Variants in JAM2 observed in about 807,000 individuals in gnomAD.
The protein encoded by JAM2 is junctional adhesion molecule 2.
JAM2 carries 17 observed loss-of-function variants against 42.0 expected under a neutral mutation model. The ratio of observed to expected loss-of-function variants is 0.40; its 90% CI spans 0.28 to 0.61. The LOEUF (loss-of-function observed/expected upper bound fraction) is 0.61. JAM2 is among the 20% of genes least tolerant of loss of function. The pLI is 0.37. For missense variants in JAM2, 319 were observed against 358.3 expected, an observed-to-expected ratio of 0.89 and a Z score of 0.89; for synonymous variants, 118 against 128.6, an observed-to-expected ratio of 0.92 and a Z score of 0.56.
chr21:25,662,701 T>C (rs892300970), intron 1 of JAM2, among the ~76,000 whole-genome samples: 4 of 152,138 alleles, frequency 2.6e-5, no homozygotes, highest in Non-Finnish European at 5.9e-5. Flanking sequence ...AGACAGTTAA[T>C]ACTATATTTA....
At chr21:25,688,938 A>C (rs991522401) in intron 2 of JAM2, among the ~76,000 whole-genome samples, 1 of 152,210 alleles carries the variant, frequency 6.6e-6, no homozygotes, top group African/African-American at 2.4e-5. Context: ...CCTGGTTAAA[A>C]AAATACTTTT....
chr21:25,672,736 C>T (rs1416589252), intron 1 of JAM2, among the ~76,000 whole-genome samples: 1 of 152,154 alleles, frequency 6.6e-6, no homozygotes, highest in African/African-American at 2.4e-5. Flanking sequence ...GGAGGGCACC[C>T]AGGCTTGTTG....
intron 1 of JAM2, among the ~76,000 whole-genome samples, chr21:25,652,316 T>C (rs2032804022): frequency 6.6e-6 from 1 of 152,128 alleles, no homozygotes; most frequent in South Asian, 2.1e-4. Context: ...TGCTTGGTCC[T>C]GGGAGATCGA....
At chr21:25,661,284 C>A (rs549866795) in intron 1 of JAM2, among the ~76,000 whole-genome samples, 10 of 152,058 alleles carry the variant, frequency 6.6e-5, no homozygotes, top group African/African-American at 2.2e-4. Context: ...GGCAAGATTC[C>A]ATCTCTATGA....
chr21:25,647,606 A>G (rs1047823003), intron 1 of JAM2, among the ~76,000 whole-genome samples: 2 of 152,244 alleles, frequency 1.3e-5, no homozygotes, highest in South Asian at 2.1e-4. Context: ...TTTTCTAACT[A>G]GAACCACCAA....
intron 1 of JAM2, among the ~76,000 whole-genome samples, chr21:25,645,246 C>T (rs2032574011): frequency 3.3e-5 from 5 of 152,156 alleles, no homozygotes; most frequent in Admixed American, 3.3e-4. Flanking sequence ...ACATGCACTC[C>T]AATGCAGCAC....
In JAM2 at chr21:25,673,618, C is replaced by T. The variant is rs189353316; in HGVS notation, c.68-10265C>T. Among the ~76,000 whole-genome samples the T allele has an allele frequency of 4.6e-3, 704 of 152,232 alleles. 20 individuals carry two copies. The highest frequency in any genetic ancestry group is 0.042 in the Admixed American group (641 of 15,286). ...TATGAAGCCATTACAGTGTGTCTGGCGGTCTTATGTCTGGAGCTACTTTCT... is the reference window on the plus strand; with the variant it reads ...TATGAAGCCATTACAGTGTGTCTGGTGGTCTTATGTCTGGAGCTACTTTCT... On this transcript the variant is annotated intron_variant, in intron 1 of 9. Coordinates refer to ENST00000480456, the MANE Select transcript of JAM2 (RefSeq NM_021219.4).
chr21:25,660,782 ATTTTT>A (rs869192568), intron 1 of JAM2, among the ~76,000 whole-genome samples: 217 of 41,126 alleles, frequency 5.3e-3, no homozygotes, highest in African/African-American at 0.041. Context: ...ATATATATAT[ATTTTT>A]TTTTTTTTTT....
At chr21:25,710,655 G>A (rs1389385963) in intron 8 of JAM2, among the ~76,000 whole-genome samples, 1 of 152,160 alleles carries the variant, frequency 6.6e-6, no homozygotes, top group Non-Finnish European at 1.5e-5. Flanking sequence ...ATGTCAGCGG[G>A]ACCAGGGTGG....
chr21:25,687,159 ATAAC>A (rs2033769148), intron 2 of JAM2, among the ~76,000 whole-genome samples: 1 of 152,218 alleles, frequency 6.6e-6, no homozygotes, highest in African/African-American at 2.4e-5. Flanking sequence ...GCTTGCAACT[ATAAC>A]TAAGAGAAAT....
intron 1 of JAM2, among the ~76,000 whole-genome samples, chr21:25,650,131 T>C (rs1333553038): frequency 1.3e-5 from 2 of 152,216 alleles, no homozygotes; most frequent in African/African-American, 2.4e-5. Flanking sequence ...TTAAAGGTCC[T>C]ACCACCTCTC....
chr21:25,703,236 T>G (rs886525798), intron 6 of JAM2, among the ~76,000 whole-genome samples: 4 of 152,232 alleles, frequency 2.6e-5, no homozygotes, highest in African/African-American at 9.6e-5. Flanking sequence ...CCTGTTTAAT[T>G]TAAACATCTA....
intron 1 of JAM2, among the ~76,000 whole-genome samples, chr21:25,641,950 C>T (rs1409622967): frequency 6.6e-6 from 1 of 152,078 alleles, no homozygotes; most frequent in Non-Finnish European, 1.5e-5. Context: ...ATATTTTTCT[C>T]ATAACTAGAC....
At chr21:25,702,774 G>A (rs1324691043) in intron 6 of JAM2, among the ~76,000 whole-genome samples, 2 of 152,090 alleles carry the variant, frequency 1.3e-5, no homozygotes, top group African/African-American at 4.8e-5. Context: ...ATCACAACAT[G>A]TTTAAAAATT....
rs2032364478 is a variant in JAM2, at chr21:25,639,579, C to G, written c.-243C>G. ...TTTCACGCCCTCTAGCCCCTACCCCCACACCCCCAAAACAGAACAGACCCC... is the reference window on the plus strand; with the variant it reads ...TTTCACGCCCTCTAGCCCCTACCCCGACACCCCCAAAACAGAACAGACCCC... On this transcript the variant is annotated 5_prime_UTR_variant, in exon 1 of 10. Transcript: ENST00000480456. The G allele has an allele frequency of 4.6e-6, 2 of 439,226 alleles. No individual in the cohort carries two copies. The highest frequency in any genetic ancestry group is 2.1e-5 in the African/African-American group (1 of 48,684). The allele number at this position is 439,226 out of a possible 1,614,324, so 27.2% of individuals were successfully genotyped here.
chr21:25,641,496 A>T (rs1383322878), intron 1 of JAM2, among the ~76,000 whole-genome samples: 6 of 152,056 alleles, frequency 3.9e-5, no homozygotes, highest in Admixed American at 3.9e-4. Flanking sequence ...CTTGATTCCT[A>T]TAGGGGATGT....
At chr21:25,699,659 C>A (rs936994601) in intron 5 of JAM2, among the ~76,000 whole-genome samples, 3 of 131,032 alleles carry the variant, frequency 2.3e-5, no homozygotes, top group Non-Finnish European at 4.7e-5. Flanking sequence ...GGAGGCGGAG[C>A]TTGCAGTGAG....
rs371009159 is a variant in JAM2 at position 25,706,050 on chromosome 21, G to C, written c.769G>C (p.Gly257Arg). 8.1e-6 allele frequency: 13 copies of C among 1,613,582 alleles called. No individual in the cohort carries two copies. The highest frequency in any genetic ancestry group is 3.3e-5 in the Admixed American group (2 of 60,022). ...VALVISVCGL[G>R]VCYAQRKGYF... ...CTTAGTGATTTCCGTTTGTGGCCTT[G>C]GTGTATGCTATGCTCAGAGGAAAGG... The change falls in exon 7 of 10, where the codon GGT (glycine) becomes CGT (arginine). Residue 257 changes from glycine to arginine, a missense_variant. By Grantham distance (125) the Gly-to-Arg change is moderately radical (BLOSUM62 -2). Coordinates refer to ENST00000480456, the MANE Select transcript of JAM2 (RefSeq NM_021219.4).
chr21:25,665,498 TATGTGTGTGC>T (rs1490321804), intron 1 of JAM2, among the ~76,000 whole-genome samples: 1 of 152,232 alleles, frequency 6.6e-6, no homozygotes, highest in African/African-American at 2.4e-5. Context: ...GACATGTGTG[TATGTGTGTGC>T]ATGTATGTAC....
Sources: gnomAD v4.1 joint callset for allele counts (sites outside exome capture counted in the v4.1 genomes callset) on GRCh38, gnomAD v4.1.1 for gene constraint, MANE v1.5 for transcripts, NCBI Gene and HGNC (gene_info 2026-07-23, HGNC 2026-07-21) for gene names.